The following DMD variants were observed in gnomAD, a reference collection of about 807,000 sequenced individuals.
DMD encodes dystrophin.
DMD carries 63 observed loss-of-function variants against 330.1 expected under a neutral mutation model. The observed-to-expected ratio is 0.19, with a 90% confidence interval of 0.16 to 0.24. DMD has a LOEUF of 0.24. DMD is among the 10% of genes least tolerant of loss of function. The probability of loss-of-function intolerance (pLI) is 1.00; values close to 1 mark genes in which losing one functional copy is unlikely to be tolerated. For synonymous variants in DMD, 1,223 were observed against 959.8 expected, an observed-to-expected ratio of 1.27 and a Z score of -5.07; for missense variants, 3,344 against 2,684.1, an observed-to-expected ratio of 1.25 and a Z score of -5.43.
chrX:32,541,083 C>G (rs1055661395), intron 17 of DMD, among the ~76,000 whole-genome samples: 1 of 111,432 alleles, frequency 9.0e-6, no homozygotes, highest in Non-Finnish European at 1.9e-5. Flanking sequence ...ATAATACAAT[C>G]TAATTATAAT....
In DMD at chrX:31,823,831, C is replaced by T. The variant is rs182530171; in HGVS notation, c.7201-3748G>A. 1.7e-3 allele frequency among the ~76,000 whole-genome samples: 193 copies of T among 111,377 alleles called. 1 individual carries two copies. Among genetic ancestry groups the T allele is most frequent in the African/African-American group, 6.1e-3 (188 of 30,629 alleles). On this transcript the variant is annotated intron_variant, in intron 49 of 78. Coordinates refer to ENST00000357033, the MANE Select transcript of DMD (RefSeq NM_004006.3). Reference sequence around the variant, plus strand: ...TCCAGTGATCTGCCCATCCCAGCCTCCCAAAGCGCTGGAATTACAGGTGTG... The same window carrying T: ...TCCAGTGATCTGCCCATCCCAGCCTTCCAAAGCGCTGGAATTACAGGTGTG...
At chrX:32,096,156 A>T (rs1209939005) in intron 44 of DMD, among the ~76,000 whole-genome samples, 1 of 111,837 alleles carries the variant, frequency 8.9e-6, no homozygotes, top group African/African-American at 3.3e-5. Flanking sequence ...ATACATTTCC[A>T]TTAAATATTT....
intron 60 of DMD, among the ~76,000 whole-genome samples, chrX:31,420,508 C>G (rs1392124343): frequency 8.9e-6 from 1 of 112,434 alleles, no homozygotes; most frequent in African/African-American, 3.2e-5. Context: ...AAGCAAAACT[C>G]TCACCTGACA....
intron 1 of DMD, among the ~76,000 whole-genome samples, chrX:33,285,060 T>C (rs1374009056): frequency 9.0e-6 from 1 of 111,484 alleles, no homozygotes; most frequent in Non-Finnish European, 1.9e-5. Flanking sequence ...CGTAAGGACC[T>C]AAAACAGGAG....
At chrX:33,059,956 C>T (rs1262732813) in intron 1 of DMD, among the ~76,000 whole-genome samples, 2 of 111,888 alleles carry the variant, frequency 1.8e-5, no homozygotes, top group Admixed American at 1.9e-4. Context: ...GCCAGTGATA[C>T]CCAGCCAAGA....
At chrX:31,430,793 CTTTTTTTTTTTTTT>C (rs565087970) in intron 60 of DMD, among the ~76,000 whole-genome samples, 10 of 48,335 alleles carry the variant, frequency 2.1e-4, no homozygotes, top group Non-Finnish European at 2.8e-4. Context: ...AAGTTAAGGT[CTTTTTTTTTTTTTT>C]TTTTTTTTTT....
At position 32,421,293 on chromosome X, in the gene DMD, AG is replaced by A. The variant is rs1215147306; in HGVS notation, c.4072-9381del. On this transcript the variant is annotated intron_variant, in intron 29 of 78. Transcript: ENST00000357033. The stretch of plus-strand genomic sequence containing the variant: ...ATTATTGTGTCCTAAGGTTATTACA[AG>A]GTTTTCTAATATTTTGTCCTCCAAG... Among the ~76,000 whole-genome samples, 3 of 111,690 alleles carry A rather than the reference AG, an allele frequency of 2.7e-5. No homozygotes were observed. The Admixed American group carries it at 2.8e-4, about 11-fold the overall frequency.
intron 2 of DMD, among the ~76,000 whole-genome samples, chrX:32,999,819 G>GA (rs890644103): frequency 1.8e-5 from 2 of 108,689 alleles, no homozygotes; most frequent in Non-Finnish European, 3.8e-5. Flanking sequence ...AAAAAAAACC[G>GA]AAAAAACAAG....
intron 44 of DMD, among the ~76,000 whole-genome samples, chrX:32,061,137 G>T (rs1229786144): frequency 9.0e-6 from 1 of 111,227 alleles, no homozygotes; most frequent in Non-Finnish European, 1.9e-5. Flanking sequence ...GGCCAGGGCA[G>T]AGTAAAGAAA....
chrX:32,644,290 G>A lies in DMD; in HGVS notation c.1173C>T (p.Ala391=), dbSNP rs1057522737. 52 of 1,208,681 alleles carry A rather than the reference G, an allele frequency of 4.3e-5. No homozygotes were observed. The highest frequency in any genetic ancestry group is 5.6e-5 in the Non-Finnish European group (50 of 894,741). The change falls in exon 11 of 79, where the codon GCC becomes GCT. Residue 391 remains alanine, a synonymous_variant. Coordinates refer to ENST00000357033, the MANE Select transcript of DMD (RefSeq NM_004006.3). ...THEGYMMDLT[A]HQGRVGNILQ... ...GAATATTACCAACCCGGCCCTGATG[G>A]GCTGTCAAATCCATCATGTACCCCT...
rs2097761853 is a variant in DMD, at chrX:32,345,842, T to C, written c.5586+101A>G. ...TTGAACAGAAAAAGTGAGTTTCTGA[T>C]GACTAAGTCTGAAGCAGATTTTATT... On this transcript the variant is annotated intron_variant, in intron 39 of 78. Coordinates refer to ENST00000357033, the MANE Select transcript of DMD (RefSeq NM_004006.3). 3.8e-5 allele frequency: 31 copies of C among 822,483 alleles called. No homozygotes were observed. In the South Asian group the frequency reaches 6.3e-4, roughly 17 times the overall value. 67.8% of individuals were successfully genotyped at this position (822,483 alleles called of 1,213,427 possible).
chrX:32,565,798 C>T lies in DMD; in HGVS notation c.1896G>A (p.Lys632=), dbSNP rs766723466. The T allele has an allele frequency of 1.3e-5, 16 of 1,208,822 alleles. No individual in the cohort carries two copies. Among genetic ancestry groups the T allele is most frequent in the Non-Finnish European group, 2.2e-6 (2 of 894,166 alleles). Residue 632 remains lysine, a synonymous_variant, in exon 16 of 79, where the codon AAG becomes AAA. Coordinates refer to ENST00000357033, the MANE Select transcript of DMD (RefSeq NM_004006.3). ...SLKQDLLSTL[K]NKSVTQKTEA... ...CCGTCTTCTGGGTCACTGACTTATT[C>T]TTCAGTGTTGAAAGAAGATCTTGTT...
intron 4 of DMD, among the ~76,000 whole-genome samples, chrX:32,835,797 GA>G (rs2079562958): frequency 1.8e-5 from 2 of 111,192 alleles, no homozygotes; most frequent in African/African-American, 6.5e-5. Flanking sequence ...AGACCCTAAG[GA>G]AAAGAGAGAA....
At chrX:31,284,557 T>TTTCTTCTTCTTCTTC (rs201340042) in intron 62 of DMD, among the ~76,000 whole-genome samples, 6,871 of 77,985 alleles carry the variant, frequency 0.088, 443 homozygotes, top group South Asian at 0.13. Context: ...TAACGAACTG[T>TTTCTTCTTCTTCTTC]TTCTTCTTCT....
intron 7 of DMD, among the ~76,000 whole-genome samples, chrX:32,806,175 T>C (rs1288435660): frequency 5.4e-5 from 6 of 111,811 alleles, no homozygotes; most frequent in Admixed American, 9.5e-5. Context: ...TGGTGTGCTG[T>C]AGTCAGGAGA....
At chrX:31,136,651 A>G (rs1019608452) in intron 76 of DMD, among the ~76,000 whole-genome samples, 2 of 112,596 alleles carry the variant, frequency 1.8e-5, no homozygotes, top group Non-Finnish European at 3.8e-5. Flanking sequence ...TTGGAGCTCT[A>G]GGAACTCAAT....
chrX:32,164,089 T>G (rs1289520416), intron 44 of DMD, among the ~76,000 whole-genome samples: 1 of 111,144 alleles, frequency 9.0e-6, no homozygotes, highest in East Asian at 2.8e-4. Context: ...AATATCAATT[T>G]TGGCTCGGCA....
At position 33,252,701 on chromosome X, in the gene DMD, T is replaced by A. The variant is rs1342915094; in HGVS notation, c.7+86558A>T. On this transcript the variant is annotated intron_variant, in intron 1 of 17. Coordinates refer to the DMD transcript ENST00000288447. Reference sequence around the variant, plus strand: ...TTTTGCTATTCACAAGTCACTATGATAATTTCGCTACTTAAAAAATGATAT... The same window carrying A: ...TTTTGCTATTCACAAGTCACTATGAAAATTTCGCTACTTAAAAAATGATAT... 3.6e-5 allele frequency among the ~76,000 whole-genome samples: 4 copies of A among 110,993 alleles called. No homozygotes were observed. In the East Asian group the frequency reaches 1.1e-3, roughly 32 times the overall value.
intron 1 of DMD, among the ~76,000 whole-genome samples, chrX:33,241,667 C>A (rs989605966): frequency 4.5e-5 from 5 of 112,067 alleles, no homozygotes; most frequent in African/African-American, 1.3e-4. Flanking sequence ...ACACAGAATA[C>A]CTTTCCATTT....
Sources: gnomAD v4.1 joint callset for allele counts (sites outside exome capture counted in the v4.1 genomes callset) on GRCh38, gnomAD v4.1.1 for gene constraint, MANE v1.5 for transcripts, NCBI Gene and HGNC (gene_info 2026-07-23, HGNC 2026-07-21) for gene names.